The following PAM variants were observed in gnomAD, a reference collection of about 807,000 sequenced individuals.
PAM encodes the protein peptidylglycine alpha-amidating monooxygenase, also known as peptidyl-glycine alpha-amidating monooxygenase.
Under a neutral mutation model 122.1 loss-of-function variants are expected in PAM, and 72 were observed. That is an observed-to-expected ratio of 0.59 (90% confidence interval 0.49 to 0.72). The LOEUF (loss-of-function observed/expected upper bound fraction) is 0.72, where lower values mean the gene tolerates loss of function less well. Among genes scored for constraint, PAM ranks in the 30% least tolerant of loss-of-function variants. PAM has a pLI of 0.00. For missense variants in PAM, 1,106 were observed against 1,183.7 expected (o/e 0.93, Z 0.96); for synonymous variants, 389 against 404.4 (o/e 0.96, Z 0.46).
At chr5:102,834,778 A>AAG (rs1776471771) in intron 1 of PAM, among the ~76,000 whole-genome samples, 1 of 152,090 alleles carries the variant, frequency 6.6e-6, no homozygotes, top group South Asian at 2.1e-4. Flanking sequence ...GGGTGGAGGG[A>AAG]AGAGATCCCT....
At chr5:102,943,144 G>C (rs962097412) in intron 7 of PAM, among the ~76,000 whole-genome samples, 1 of 152,102 alleles carries the variant, frequency 6.6e-6, no homozygotes, top group Non-Finnish European at 1.5e-5. Flanking sequence ...AGGATCAGCG[G>C]TTAATCTGTC....
intron 1 of PAM, among the ~76,000 whole-genome samples, chr5:102,826,957 T>C (rs1773830989): frequency 6.6e-6 from 1 of 152,244 alleles, no homozygotes; most frequent in Admixed American, 6.5e-5. Flanking sequence ...GAATTTTTCC[T>C]TGTAGTACCC....
At chr5:102,788,965 G>C (rs984025498) in intron 1 of PAM, among the ~76,000 whole-genome samples, 1 of 152,082 alleles carries the variant, frequency 6.6e-6, no homozygotes, top group Admixed American at 6.6e-5. Context: ...TGACACTAAC[G>C]GTCAGAGGCT....
intron 1 of PAM, among the ~76,000 whole-genome samples, chr5:102,838,965 C>A (rs909583777): frequency 1.3e-5 from 2 of 152,172 alleles, no homozygotes; most frequent in African/African-American, 4.8e-5. Flanking sequence ...GGGAGAAGTA[C>A]ACCTAAGTGT....
intron 1 of PAM, among the ~76,000 whole-genome samples, chr5:102,790,274 A>G (rs892723705): frequency 5.3e-5 from 8 of 152,224 alleles, no homozygotes; most frequent in Non-Finnish European, 7.4e-5. Flanking sequence ...TGTCCTGGCT[A>G]TGCCGCAAAT....
intron 16 of PAM, among the ~76,000 whole-genome samples, chr5:102,992,746 G>C (rs762188709): frequency 1.1e-4 from 16 of 152,096 alleles, no homozygotes; most frequent in Non-Finnish European, 1.6e-4. Context: ...TGTTACTACT[G>C]TTGGATGGTG....
intron 1 of PAM, among the ~76,000 whole-genome samples, chr5:102,820,734 C>T (rs1771593300): frequency 1.3e-5 from 2 of 151,980 alleles, no homozygotes. Flanking sequence ...CTTCCCTGTC[C>T]ACATGGATAA....
At chr5:102,880,250 C>T (rs1790536793) in intron 3 of PAM, among the ~76,000 whole-genome samples, 1 of 151,612 alleles carries the variant, frequency 6.6e-6, no homozygotes, top group Non-Finnish European at 1.5e-5. Flanking sequence ...TGCTGCACTC[C>T]AGCCTGGGCA....
intron 14 of PAM, among the ~76,000 whole-genome samples, chr5:102,965,755 A>T (rs1235014343): frequency 6.6e-6 from 1 of 152,046 alleles, no homozygotes. Flanking sequence ...TTGAGGGAAA[A>T]TACCCCATGA....
chr5:102,820,098 C>A (rs1771289173), intron 1 of PAM, among the ~76,000 whole-genome samples: 1 of 152,100 alleles, frequency 6.6e-6, no homozygotes, highest in South Asian at 2.1e-4. Context: ...TTAAAAAATT[C>A]ATGACTCCTT....
At chr5:102,994,635 T>G (rs562130425) in intron 16 of PAM, among the ~76,000 whole-genome samples, 3 of 152,196 alleles carry the variant, frequency 2.0e-5, no homozygotes, top group South Asian at 2.1e-4. Flanking sequence ...GAATTTGTAA[T>G]CTATGAAAAT....
At chr5:102,850,146 G>A (rs1282828489) in intron 1 of PAM, among the ~76,000 whole-genome samples, 1 of 152,082 alleles carries the variant, frequency 6.6e-6, no homozygotes, top group Non-Finnish European at 1.5e-5. Flanking sequence ...GTATGTCAAT[G>A]TGTTTTTGTG....
At position 102,865,937 on chromosome 5, in the gene PAM, GGAGGGA is replaced by G. The variant is rs1429260466; in HGVS notation, c.-257_-252del. On this transcript the variant is annotated 5_prime_UTR_variant, in exon 2 of 26. Coordinates refer to ENST00000438793, the MANE Select transcript of PAM (RefSeq NM_001177306.2). Reference sequence around the variant, plus strand: ...AGCGCCAGGGCACGCGAGCGGCGCTGGAGGGAGGAAAGCTTCCGCCTGCGGGCCGGA... The same window carrying G: ...AGCGCCAGGGCACGCGAGCGGCGCTGGGAAAGCTTCCGCCTGCGGGCCGGA... 16 of 415,142 alleles carry G rather than the reference GGAGGGA, an allele frequency of 3.9e-5. No individual in the cohort carries two copies. Among genetic ancestry groups the G allele is most frequent in the Admixed American group, 2.8e-4 (6 of 21,226 alleles). The allele number at this position is 415,142 out of a possible 1,614,324, so 25.7% of individuals were successfully genotyped here. A position where few individuals can be genotyped will look rare whatever the true frequency, so the allele number is the denominator to read the frequency against.
At chr5:102,972,604 A>C (rs1766207758) in intron 14 of PAM, among the ~76,000 whole-genome samples, 1 of 152,280 alleles carries the variant, frequency 6.6e-6, no homozygotes, top group Non-Finnish European at 1.5e-5. Context: ...ATAATGGTTT[A>C]TCTCTCCCTG....
At chr5:102,910,966 GCATAAT>G (rs767544024) in intron 4 of PAM, among the ~76,000 whole-genome samples, 11 of 151,804 alleles carry the variant, frequency 7.2e-5, no homozygotes, top group Non-Finnish European at 1.3e-4. Context: ...GCAAAGCCAG[GCATAAT>G]CAGCAGGAAT....
At chr5:102,944,659 A>T (rs1756461319) in intron 7 of PAM, among the ~76,000 whole-genome samples, 1 of 152,122 alleles carries the variant, frequency 6.6e-6, no homozygotes, top group Non-Finnish European at 1.5e-5. Flanking sequence ...CTGGTCAAGG[A>T]GTGCATTGTT....
chr5:102,758,667 C>G (rs1751383898), intron 1 of PAM, among the ~76,000 whole-genome samples: 1 of 152,108 alleles, frequency 6.6e-6, no homozygotes, highest in African/African-American at 2.4e-5. Flanking sequence ...TTCATTTTAT[C>G]TGGGGTTGAA....
intron 14 of PAM, among the ~76,000 whole-genome samples, chr5:102,963,872 T>A (rs1163286983): frequency 6.7e-6 from 1 of 150,002 alleles, no homozygotes; most frequent in Non-Finnish European, 1.5e-5. Flanking sequence ...TAAATTGTAC[T>A]ATATATAGTA....
intron 1 of PAM, among the ~76,000 whole-genome samples, chr5:102,772,178 TA>T (rs1329085241): frequency 6.6e-6 from 1 of 152,134 alleles, no homozygotes; most frequent in Non-Finnish European, 1.5e-5. Context: ...TTAATGCACA[TA>T]AAATGCATAG....
Sources: gnomAD v4.1 joint callset for allele counts (sites outside exome capture counted in the v4.1 genomes callset) on GRCh38, gnomAD v4.1.1 for gene constraint, MANE v1.5 for transcripts, NCBI Gene and HGNC (gene_info 2026-07-23, HGNC 2026-07-21) for gene names.